KLF7: variants seen among roughly 807,000 people sequenced by gnomAD.
KLF7 encodes KLF transcription factor 7.
KLF7 carries 2 observed loss-of-function variants against 27.3 expected under a neutral mutation model. That is an observed-to-expected ratio of 0.07 (90% CI 0.03 to 0.23). KLF7 has a LOEUF of 0.23. Ranked by LOEUF, KLF7 falls within the 10% of genes least tolerant of loss-of-function variation. KLF7 has a pLI of 1.00. For missense variants in KLF7, 221 were observed against 394.1 expected, an observed-to-expected ratio of 0.56 and a Z score of 3.72; for synonymous variants, 165 against 162.4, an observed-to-expected ratio of 1.02 and a Z score of -0.12.
intron 2 of KLF7, among the ~76,000 whole-genome samples, chr2:207,121,273 G>A (rs972521635): frequency 2.6e-5 from 4 of 152,136 alleles, no homozygotes; most frequent in African/African-American, 9.7e-5. Context: ...GCTGTTTTGT[G>A]GTAGTTAACT....
chr2:207,166,535 G>C (rs560002308), upstream of KLF7: 299 of 126,350 alleles, frequency 2.4e-3, no homozygotes, highest in African/African-American at 9.9e-3. Context: ...CCCCTCAGAG[G>C]GAAGGGGTCG....
At chr2:207,101,876 T>C (rs1374205868) in intron 2 of KLF7, among the ~76,000 whole-genome samples, 3 of 152,180 alleles carry the variant, frequency 2.0e-5, no homozygotes, top group Non-Finnish European at 4.4e-5. Context: ...CAAAACCAAA[T>C]GGTCCCTTTA....
chr2:207,150,997 T>TAA (rs34218929), intron 1 of KLF7, among the ~76,000 whole-genome samples: 2,485 of 90,286 alleles, frequency 0.028, 122 homozygotes, highest in African/African-American at 0.095. Context: ...TTCTCTTTAT[T>TAA]AAAAAAAAAA....
At chr2:207,104,787 G>A (rs1035167175) in intron 2 of KLF7, among the ~76,000 whole-genome samples, 1 of 152,164 alleles carries the variant, frequency 6.6e-6, no homozygotes, top group Admixed American at 6.5e-5. Context: ...AATTAAAGTG[G>A]AATCAATGCT....
chr2:207,157,219 T>TGAAAA (rs1491268311), intron 1 of KLF7, among the ~76,000 whole-genome samples: 3 of 87,288 alleles, frequency 3.4e-5, no homozygotes, highest in Non-Finnish European at 4.5e-5. Context: ...AACAGAAAAG[T>TGAAAA]AAAAAAAAAA....
chr2:207,087,427 G>A (rs906085678), intron 3 of KLF7, among the ~76,000 whole-genome samples: 7 of 152,130 alleles, frequency 4.6e-5, no homozygotes, highest in African/African-American at 1.4e-4. Flanking sequence ...CTACTACAGA[G>A]GAAGCCCTGG....
chr2:207,107,990 G>A lies in KLF7; in HGVS notation c.733+15784C>T, dbSNP rs140342668. Reference sequence around the variant, plus strand: ...TTTTAATTATTGCTTTACTCTTCTCGCAACAGATTTTTAAAAAAATGCTTA... The same window carrying A: ...TTTTAATTATTGCTTTACTCTTCTCACAACAGATTTTTAAAAAAATGCTTA... On this transcript the variant is annotated intron_variant, in intron 2 of 3. Transcript: ENST00000309446. 7.2e-4 allele frequency among the ~76,000 whole-genome samples: 109 copies of A among 152,202 alleles called. No individual in the cohort carries two copies. The East Asian group carries it at 7.3e-3, about 10-fold the overall frequency.
chr2:207,083,599 G>A (rs1419727471), intron 3 of KLF7, among the ~76,000 whole-genome samples: 1 of 152,166 alleles, frequency 6.6e-6, no homozygotes, highest in Non-Finnish European at 1.5e-5. Flanking sequence ...GTCAATTTAA[G>A]GAGCTTCTGG....
chr2:207,103,898 T>C (rs2076822635), intron 2 of KLF7, among the ~76,000 whole-genome samples: 1 of 152,264 alleles, frequency 6.6e-6, no homozygotes, highest in African/African-American at 2.4e-5. Context: ...AAAATCCTTC[T>C]TTATGCAACG....
intron 3 of KLF7, among the ~76,000 whole-genome samples, chr2:207,082,295 A>C (rs1184187982): frequency 6.6e-6 from 1 of 152,192 alleles, no homozygotes; most frequent in African/African-American, 2.4e-5. Flanking sequence ...GGAAGAGAGA[A>C]GCTCTCTTTC....
chr2:207,123,726 T>C (rs1291797140), intron 2 of KLF7, 48 bp downstream of exon 2: 2 of 1,569,124 alleles, frequency 1.3e-6, no homozygotes, highest in Non-Finnish European at 1.7e-6. Context: ...ATGACGAGGC[T>C]ACAGGAGGGG....
chr2:207,145,467 A>G (rs2078073586), intron 1 of KLF7, among the ~76,000 whole-genome samples: 1 of 152,246 alleles, frequency 6.6e-6, no homozygotes, highest in South Asian at 2.1e-4. Flanking sequence ...ATGGGAAGTT[A>G]TCAAACCCAA....
At chr2:207,143,042 G>T (rs77626857) in intron 1 of KLF7, among the ~76,000 whole-genome samples, 5,330 of 152,210 alleles carry the variant, frequency 0.035, 312 homozygotes, top group African/African-American at 0.12. Context: ...AAATGTCAAA[G>T]AAATCATTCA....
intron 1 of KLF7, chr2:207,149,103 A>C: frequency 7.9e-7 from 1 of 1,272,816 alleles, no homozygotes; most frequent in Non-Finnish European, 1.0e-6. Context: ...GGACTGATAA[A>C]TCTGTCTTTT....
chr2:207,099,550 C>CTATATATATATATATATATA (rs1359258095), intron 2 of KLF7, among the ~76,000 whole-genome samples: 920 of 22,782 alleles, frequency 0.04, 38 homozygotes, highest in Non-Finnish European at 0.061. Flanking sequence ...GCTACATATG[C>CTATATATATATATATATATA]GATATATATA....
At chr2:207,126,424 T>C (rs1448555814) in intron 1 of KLF7, among the ~76,000 whole-genome samples, 1 of 152,218 alleles carries the variant, frequency 6.6e-6, no homozygotes, top group Non-Finnish European at 1.5e-5. Context: ...CTTTGATCAT[T>C]CTACCTCTTC....
At chr2:207,130,917 G>A (rs914028236) in intron 1 of KLF7, among the ~76,000 whole-genome samples, 9 of 152,134 alleles carry the variant, frequency 5.9e-5, no homozygotes, top group African/African-American at 1.9e-4. Flanking sequence ...CAGAGTCAAC[G>A]AAATAAAAGG....
chr2:207,155,670 T>C (rs1272420336), intron 1 of KLF7, among the ~76,000 whole-genome samples: 1 of 152,082 alleles, frequency 6.6e-6, no homozygotes, highest in East Asian at 1.9e-4. Context: ...CTGAACAATC[T>C]TGGAAGAAAT....
intron 2 of KLF7, among the ~76,000 whole-genome samples, chr2:207,096,845 G>T (rs761866024): frequency 6.6e-6 from 1 of 152,168 alleles, no homozygotes. Context: ...GTGCCATTAA[G>T]AAACACAAAA....
Sources: gnomAD v4.1 joint callset for allele counts (sites outside exome capture counted in the v4.1 genomes callset) on GRCh38, gnomAD v4.1.1 for gene constraint, MANE v1.5 for transcripts, NCBI Gene and HGNC (gene_info 2026-07-23, HGNC 2026-07-21) for gene names.